DEFB123: variants seen among roughly 807,000 people sequenced by gnomAD.
The protein encoded by DEFB123 is defensin beta 123.
For missense variants in DEFB123, 71 were observed against 75.0 expected (o/e 0.95, Z 0.20); for synonymous variants, 22 against 28.3 (o/e 0.78, Z 0.71).
At chr20:31,444,634 C>T (rs1444426461) in intron 1 of DEFB123, among the ~76,000 whole-genome samples, 1 of 152,188 alleles carries the variant, frequency 6.6e-6, no homozygotes, top group Non-Finnish European at 1.5e-5. Context: ...TCTTGACACT[C>T]TTAAATTAAA....
intron 1 of DEFB123, 25 bp downstream of exon 1, chr20:31,440,781 G>A (rs771235016): frequency 1.3e-5 from 21 of 1,612,214 alleles, no homozygotes; most frequent in Non-Finnish European, 1.4e-5. Context: ...CTTAAGGAAG[G>A]GGCAGGGCTT....
chr20:31,448,513 A>G (rs964783400), intron 1 of DEFB123, among the ~76,000 whole-genome samples: 1 of 147,450 alleles, frequency 6.8e-6, no homozygotes, highest in Non-Finnish European at 1.5e-5. Context: ...TTATTGTCCC[A>G]TGGGTCACTG....
chr20:31,448,636 T>C (rs1430918828), intron 1 of DEFB123, among the ~76,000 whole-genome samples: 1 of 152,166 alleles, frequency 6.6e-6, no homozygotes, highest in Admixed American at 6.5e-5. Flanking sequence ...TAACCTACTA[T>C]TAATCTCACT....
At chr20:31,448,062 A>G (rs541005212) in intron 1 of DEFB123, among the ~76,000 whole-genome samples, 1 of 152,054 alleles carries the variant, frequency 6.6e-6, no homozygotes, top group Admixed American at 6.5e-5. Context: ...CTGGGATTAC[A>G]GGCGTGAGCC....
chr20:31,449,240 T>C (rs1979676246), intron 1 of DEFB123, among the ~76,000 whole-genome samples: 1 of 152,142 alleles, frequency 6.6e-6, no homozygotes, highest in Non-Finnish European at 1.5e-5. Context: ...AAAATATTTT[T>C]ACACTTTCAG....
chr20:31,442,468 C>G (rs1568749123), intron 1 of DEFB123, among the ~76,000 whole-genome samples: 1 of 152,088 alleles, frequency 6.6e-6, no homozygotes, highest in Non-Finnish European at 1.5e-5. Flanking sequence ...TTGGAGCTTA[C>G]CTTCTACTGG....
At chr20:31,448,011 C>T (rs1156779666) in intron 1 of DEFB123, among the ~76,000 whole-genome samples, 3 of 152,008 alleles carry the variant, frequency 2.0e-5, no homozygotes, top group Non-Finnish European at 4.4e-5. Flanking sequence ...TGGTCTCGAT[C>T]TCCTGACCTC....
chr20:31,449,928 G>A (rs938687556), intron 1 of DEFB123, 101 bp from the exon 2 acceptor site: 31 of 1,383,616 alleles, frequency 2.2e-5, no homozygotes, highest in African/African-American at 7.4e-5. Flanking sequence ...GGAAACAAGG[G>A]ACCTTCTATC....
chr20:31,443,995 A>C (rs1979526271), intron 1 of DEFB123, among the ~76,000 whole-genome samples: 2 of 152,178 alleles, frequency 1.3e-5, no homozygotes, highest in African/African-American at 4.8e-5. Context: ...CTTCCTTAAC[A>C]AATGTTGGTC....
chr20:31,444,885 C>T (rs1374678194), intron 1 of DEFB123, among the ~76,000 whole-genome samples: 1 of 152,202 alleles, frequency 6.6e-6, no homozygotes, highest in Non-Finnish European at 1.5e-5. Context: ...ACTCTCCTGA[C>T]TTTTATAGCA....
At position 31,450,192 on chromosome 20, in the gene DEFB123, G is replaced by A; in HGVS notation, c.*18G>A. ...CATTTTAACTGCTTTGAAGCCTGAA[G>A]CCATGAAAATGCAGATGAAGCTCCC... On this transcript the variant is annotated 3_prime_UTR_variant, in exon 2 of 2. Coordinates refer to ENST00000376309, the MANE Select transcript of DEFB123 (RefSeq NM_153324.4). 1.9e-6 allele frequency: 3 copies of A among 1,590,624 alleles called. No homozygotes were observed. Among genetic ancestry groups the A allele is most frequent in the Non-Finnish European group, 2.6e-6 (3 of 1,171,290 alleles).
At chr20:31,442,596 C>CTAT (rs1979491512) in intron 1 of DEFB123, among the ~76,000 whole-genome samples, 1 of 105,868 alleles carries the variant, frequency 9.4e-6, no homozygotes, top group Non-Finnish European at 1.9e-5. Context: ...AGGTCATTTG[C>CTAT]TTTTTTTTTT....
intron 1 of DEFB123, among the ~76,000 whole-genome samples, chr20:31,441,437 G>A (rs1054926542): frequency 2.6e-5 from 4 of 152,160 alleles, no homozygotes; most frequent in Non-Finnish European, 5.9e-5. Flanking sequence ...CCTATGCAAA[G>A]GTTGGATGCG....
At chr20:31,449,441 G>T (rs1308509443) in intron 1 of DEFB123, among the ~76,000 whole-genome samples, 1 of 152,126 alleles carries the variant, frequency 6.6e-6, no homozygotes, top group African/African-American at 2.4e-5. Flanking sequence ...ACTAAATGCT[G>T]CAGATTTTAC....
At chr20:31,448,166 C>T (rs1229320965) in intron 1 of DEFB123, among the ~76,000 whole-genome samples, 2 of 152,028 alleles carry the variant, frequency 1.3e-5, no homozygotes, top group Non-Finnish European at 2.9e-5. Context: ...CCTCCCATCT[C>T]AGCCTCCCAA....
chr20:31,448,028 C>T (rs967667490), intron 1 of DEFB123, among the ~76,000 whole-genome samples: 41 of 151,964 alleles, frequency 2.7e-4, no homozygotes, highest in African/African-American at 7.5e-4. Flanking sequence ...CCTCATGATC[C>T]GCCCACCTTG....
intron 1 of DEFB123, among the ~76,000 whole-genome samples, chr20:31,448,239 C>G (rs1472887189): frequency 2.6e-5 from 4 of 152,046 alleles, no homozygotes; most frequent in African/African-American, 4.8e-5. Flanking sequence ...TACCTTTTCT[C>G]CTATGTACAT....
chr20:31,443,840 T>C (rs1305381232), intron 1 of DEFB123, among the ~76,000 whole-genome samples: 2 of 152,186 alleles, frequency 1.3e-5, no homozygotes, highest in Non-Finnish European at 2.9e-5. Flanking sequence ...GGTATGGTAG[T>C]GGTGACAGAG....
chr20:31,442,037 T>C (rs1979476062), intron 1 of DEFB123, among the ~76,000 whole-genome samples: 1 of 152,174 alleles, frequency 6.6e-6, no homozygotes, highest in Non-Finnish European at 1.5e-5. Flanking sequence ...GGAACTTCCA[T>C]CCTGACTGTG....
Sources: allele counts gnomAD v4.1 joint callset (sites outside exome capture counted in the v4.1 genomes callset), GRCh38; gene constraint gnomAD v4.1.1; transcripts MANE v1.5; gene names NCBI Gene and HGNC (gene_info 2026-07-23, HGNC 2026-07-21).